STXBP6: variants seen among roughly 807,000 people sequenced by gnomAD.
STXBP6 encodes the protein syntaxin binding protein 6, also known as syntaxin-binding protein 6.
In STXBP6, 21 loss-of-function variants were observed where a neutral mutation model predicts 26.9. The observed-to-expected ratio is 0.78, with a 90% CI of 0.55 to 1.12. STXBP6 has a LOEUF of 1.12. Among genes scored for constraint, STXBP6 ranks in the 50% most tolerant of loss-of-function variants. The pLI is 0.00. For synonymous variants in STXBP6, 97 were observed against 92.6 expected, an observed-to-expected ratio of 1.05 and a Z score of -0.27; for missense variants, 232 against 257.9, an observed-to-expected ratio of 0.90 and a Z score of 0.69.
At chr14:24,940,490 G>A (rs1384001047) in intron 2 of STXBP6, among the ~76,000 whole-genome samples, 1 of 152,166 alleles carries the variant, frequency 6.6e-6, no homozygotes, top group African/African-American at 2.4e-5. Flanking sequence ...TCTGTCATCT[G>A]TACCTTTTTA....
chr14:24,997,771 C>G (rs1015738707), intron 1 of STXBP6, among the ~76,000 whole-genome samples: 2 of 152,126 alleles, frequency 1.3e-5, no homozygotes, highest in African/African-American at 4.8e-5. Context: ...TAGACTTCTT[C>G]CTATGAATAT....
intron 4 of STXBP6, among the ~76,000 whole-genome samples, chr14:24,827,288 T>C (rs971618849): frequency 6.6e-6 from 1 of 152,228 alleles, no homozygotes; most frequent in Admixed American, 6.5e-5. Flanking sequence ...ATATTTAGCA[T>C]AGGGCTAATA....
intron 1 of STXBP6, among the ~76,000 whole-genome samples, chr14:25,026,162 T>C (rs919734834): frequency 5.3e-5 from 8 of 152,310 alleles, no homozygotes; most frequent in African/African-American, 1.9e-4. Flanking sequence ...AAATGTCTTA[T>C]TCTTATCAGT....
chr14:25,030,223 G>A (rs1297801626), intron 1 of STXBP6, among the ~76,000 whole-genome samples: 3 of 152,168 alleles, frequency 2.0e-5, no homozygotes, highest in African/African-American at 7.2e-5. Flanking sequence ...AGGTGACTAG[G>A]CCTAGCCCCC....
At chr14:24,889,436 G>T in intron 2 of STXBP6, among the ~76,000 whole-genome samples, 1 of 105,176 alleles carries the variant, frequency 9.5e-6, no homozygotes, top group Non-Finnish European at 1.8e-5. Context: ...GAGGGGGGAG[G>T]GATAGCATTA....
chr14:24,815,188 A>G (rs998905529), intron 5 of STXBP6, among the ~76,000 whole-genome samples: 15 of 152,098 alleles, frequency 9.9e-5, no homozygotes, highest in African/African-American at 3.6e-4. Flanking sequence ...GCTGCTCCAC[A>G]CCTCAGCCTC....
intron 1 of STXBP6, among the ~76,000 whole-genome samples, chr14:24,977,033 T>G (rs1364487597): frequency 1.3e-5 from 2 of 151,706 alleles, no homozygotes; most frequent in African/African-American, 4.8e-5. Context: ...CAGCTAATTT[T>G]TGTATTTTTA....
chr14:25,036,717 G>A (rs1010563666), intron 1 of STXBP6, among the ~76,000 whole-genome samples: 4 of 151,816 alleles, frequency 2.6e-5, no homozygotes, highest in East Asian at 1.9e-4. Flanking sequence ...TTAGCCGGGC[G>A]TGGTGGCAGG....
intron 2 of STXBP6, among the ~76,000 whole-genome samples, chr14:24,860,238 C>T (rs1250492561): frequency 3.3e-5 from 5 of 152,116 alleles, no homozygotes; most frequent in African/African-American, 1.2e-4. Flanking sequence ...CTTGCCTGTG[C>T]CCAATCAGAG....
At chr14:25,031,882 T>C (rs1472393513) in intron 1 of STXBP6, among the ~76,000 whole-genome samples, 1 of 152,136 alleles carries the variant, frequency 6.6e-6, no homozygotes, top group East Asian at 1.9e-4. Flanking sequence ...AGAGCAGAAA[T>C]ATCCCGAGGT....
chr14:24,812,392 T>C lies in STXBP6; in HGVS notation c.*317A>G, dbSNP rs1008812899. ...TTTATCATTTGGTCCAAATTTCATATTCAAACTACAAAAAATATTTTTTAA... is the reference window on the plus strand; with the variant it reads ...TTTATCATTTGGTCCAAATTTCATACTCAAACTACAAAAAATATTTTTTAA... On this transcript the variant is annotated 3_prime_UTR_variant, in exon 6 of 6. Coordinates refer to ENST00000323944, the MANE Select transcript of STXBP6 (RefSeq NM_001394410.1). 1.3e-5 allele frequency: 3 copies of C among 226,594 alleles called. No homozygotes were observed. Among genetic ancestry groups the C allele is most frequent in the Non-Finnish European group, 2.6e-5 (3 of 115,454 alleles). 14.0% of individuals were successfully genotyped at this position (226,594 alleles called of 1,614,324 possible). A position where few individuals can be genotyped will look rare whatever the true frequency, so the allele number is the denominator to read the frequency against.
chr14:24,859,509 C>T (rs142543997), intron 2 of STXBP6, among the ~76,000 whole-genome samples: 47 of 152,152 alleles, frequency 3.1e-4, no homozygotes, highest in African/African-American at 8.2e-4. Flanking sequence ...TGAGTACATA[C>T]TTGAGGAAAG....
At chr14:24,972,339 T>C (rs2073929083) in intron 2 of STXBP6, among the ~76,000 whole-genome samples, 2 of 152,192 alleles carry the variant, frequency 1.3e-5, no homozygotes, top group African/African-American at 2.4e-5. Context: ...GCAGGGGAAA[T>C]GAAATGGTTA....
chr14:24,855,871 A>T, intron 4 of STXBP6, 65 bp downstream of exon 4: 2 of 1,478,736 alleles, frequency 1.4e-6, no homozygotes, highest in Non-Finnish European at 1.8e-6. Flanking sequence ...CTGAACTCCT[A>T]ACTTCTTAAG....
chr14:24,934,152 A>G lies in STXBP6; in HGVS notation c.154+40513T>C, dbSNP rs544279630. 5.9e-5 allele frequency among the ~76,000 whole-genome samples: 9 copies of G among 152,338 alleles called. No homozygotes were observed. In the South Asian group the frequency reaches 1.9e-3, roughly 32 times the overall value. On this transcript the variant is annotated intron_variant, in intron 2 of 5. Transcript: ENST00000323944. ...GGAGCATAAAATATTAAGACACATGATAGAAGAAAACTTCCTGAAATAAAA... is the reference window on the plus strand; with the variant it reads ...GGAGCATAAAATATTAAGACACATGGTAGAAGAAAACTTCCTGAAATAAAA...
chr14:24,837,868 T>A (rs1342059545), intron 4 of STXBP6, among the ~76,000 whole-genome samples: 1 of 152,184 alleles, frequency 6.6e-6, no homozygotes, highest in East Asian at 1.9e-4. Context: ...GTGTCAGAGA[T>A]GCCCTGGTGA....
chr14:24,850,652 A>C (rs1184866373), intron 4 of STXBP6, among the ~76,000 whole-genome samples: 1 of 152,106 alleles, frequency 6.6e-6, no homozygotes, highest in African/African-American at 2.4e-5. Context: ...TGTCATGGCA[A>C]TGTTTCACGT....
chr14:24,970,295 C>G (rs2073867184), intron 2 of STXBP6, among the ~76,000 whole-genome samples: 2 of 151,818 alleles, frequency 1.3e-5, no homozygotes, highest in African/African-American at 4.8e-5. Context: ...TAAAATACAA[C>G]CACTTTAAGT....
At chr14:24,891,753 A>G (rs1324418598) in intron 2 of STXBP6, among the ~76,000 whole-genome samples, 2 of 152,170 alleles carry the variant, frequency 1.3e-5, no homozygotes, top group Non-Finnish European at 2.9e-5. Flanking sequence ...TCCCACACCA[A>G]ACTAAAAGAT....
Sources: gnomAD v4.1 joint callset for allele counts (sites outside exome capture counted in the v4.1 genomes callset) on GRCh38, gnomAD v4.1.1 for gene constraint, MANE v1.5 for transcripts, NCBI Gene and HGNC (gene_info 2026-07-23, HGNC 2026-07-21) for gene names.